The following ADCK2 variants were observed in gnomAD, a reference collection of about 807,000 sequenced individuals.
ADCK2 encodes aarF domain containing kinase 2, also known as uncharacterized aarF domain-containing protein kinase 2.
ADCK2 carries 37 observed loss-of-function variants against 52.3 expected under a neutral mutation model. That is an observed-to-expected ratio of 0.71 (90% CI 0.54 to 0.93). The LOEUF (loss-of-function observed/expected upper bound fraction) is 0.93. ADCK2 is among the 40% of genes least tolerant of loss of function. The pLI, the probability that ADCK2 is intolerant of heterozygous loss-of-function variation, is 0.00. For synonymous variants in ADCK2, 321 were observed against 349.2 expected (o/e 0.92, Z 0.90); for missense variants, 695 against 798.7 (o/e 0.87, Z 1.56).
Position 140,693,747 on chromosome 7 carries a change from T to C in ADCK2, c.1741-916T>C, listed in dbSNP as rs1320719174. Among the ~76,000 whole-genome samples, 1 of 152,210 alleles carries C rather than the reference T, an allele frequency of 6.6e-6. No homozygotes were observed. The highest frequency in any genetic ancestry group is 1.5e-5 in the Non-Finnish European group (1 of 68,038). The stretch of plus-strand genomic sequence containing the variant: ...TTTTTTGAGATGGAGTTTCACTCTG[T>C]TGCCCAGGCTGGAGTGCAGTGGAGC... On this transcript the variant is annotated intron_variant, in intron 7 of 7. Coordinates refer to ENST00000072869, the MANE Select transcript of ADCK2 (RefSeq NM_052853.4). This position sits in a 1 kb window ranked among gnomAD's most constrained non-coding sequence, Gnocchi z 4.0.
At chr7:140,676,606 G>A (rs775700855) in intron 2 of ADCK2, among the ~76,000 whole-genome samples, 13 of 152,174 alleles carry the variant, frequency 8.5e-5, no homozygotes, top group Non-Finnish European at 1.2e-4. Context: ...TTCCTACTAA[G>A]CCTGTGTCCG....
At chr7:140,679,122 T>C (rs933331959) in intron 2 of ADCK2, 33 bp from the exon 3 acceptor site, 1 of 1,612,018 alleles carries the variant, frequency 6.2e-7, no homozygotes, top group African/African-American at 1.3e-5. Flanking sequence ...GTACCCAGAC[T>C]AGCCCTCATC....
chr7:140,694,248 C>T (rs1180440150), intron 7 of ADCK2, among the ~76,000 whole-genome samples: 2 of 152,148 alleles, frequency 1.3e-5, no homozygotes, highest in Non-Finnish European at 2.9e-5. Context: ...CTTGCCATTG[C>T]ACTCCAGCCT....
intron 7 of ADCK2, among the ~76,000 whole-genome samples, chr7:140,692,710 G>A (rs1251397952): frequency 6.6e-6 from 1 of 152,206 alleles, no homozygotes; most frequent in African/African-American, 2.4e-5. Flanking sequence ...CCACTTCTTG[G>A]TTATAGTGAA....
At position 140,687,157 on chromosome 7, in the gene ADCK2, G is replaced by C; in HGVS notation, c.1473G>C (p.Leu491=). The C allele has an allele frequency of 6.2e-7, 1 of 1,610,590 alleles. No individual in the cohort carries two copies. The highest frequency in any genetic ancestry group is 1.3e-5 in the African/African-American group (1 of 75,004). Residue 491 remains leucine, a synonymous_variant, in exon 5 of 8, where the codon CTG becomes CTC. Transcript: ENST00000072869. ...PSSLCPLRLV[L]LDAGIVAELQ... ...CCCTCTGCCCGCTGCGACTGGTGCT[G>C]CTGGATGCTGGCATTGTGGCGGAGC...
At chr7:140,687,295 G>A in intron 5 of ADCK2, 54 bp downstream of exon 5, 1 of 1,497,870 alleles carries the variant, frequency 6.7e-7, no homozygotes, top group Non-Finnish European at 8.9e-7. Context: ...AATTAAAAGA[G>A]CTGGTGAAGC....
chr7:140,673,783 G>T lies in ADCK2; in HGVS notation c.453G>T (p.Trp151Cys). 1.2e-6 allele frequency: 2 copies of T among 1,613,668 alleles called. No homozygotes were observed. Among genetic ancestry groups the T allele is most frequent in the Non-Finnish European group, 1.7e-6 (2 of 1,180,026 alleles). ...SGPTYIKLGQ[W>C]ASTRRDLFSE... ...CAACCTACATCAAACTGGGCCAGTG[G>T]GCCAGCACCCGGCGCGATCTGTTTT... The change falls in exon 1 of 8, where the codon TGG becomes TGT. Residue 151 changes from tryptophan (W) to cysteine (C), a missense_variant. Transcript: ENST00000072869. The surrounding 1 kb of genome is among the most constrained non-coding windows in gnomAD (Gnocchi z 6.4).
chr7:140,683,639 A>C (rs1794554863), intron 4 of ADCK2, among the ~76,000 whole-genome samples: 1 of 152,190 alleles, frequency 6.6e-6, no homozygotes, highest in African/African-American at 2.4e-5. Flanking sequence ...GCCTGGCCGC[A>C]TCAGGAGGGC....
At chr7:140,684,215 A>G (rs1488555933) in intron 4 of ADCK2, among the ~76,000 whole-genome samples, 3 of 152,060 alleles carry the variant, frequency 2.0e-5, no homozygotes, top group Non-Finnish European at 4.4e-5. Context: ...CAGGGCAGAG[A>G]GGAGTGTCTG....
chr7:140,684,391 G>C (rs575553027), intron 4 of ADCK2, among the ~76,000 whole-genome samples: 8 of 152,264 alleles, frequency 5.3e-5, no homozygotes, highest in African/African-American at 1.9e-4. Context: ...GGCAGTAATC[G>C]TGACCCAGCA....
rs949919604 is a variant in ADCK2 at position 140,678,268 on chromosome 7, A to T, written c.1081-887A>T. Among the ~76,000 whole-genome samples the T allele has an allele frequency of 8.5e-5, 13 of 152,160 alleles. No homozygotes were observed. The highest frequency in any genetic ancestry group is 5.2e-4 in the Admixed American group (8 of 15,282). On this transcript the variant is annotated intron_variant, in intron 2 of 7. Transcript: ENST00000072869. This position sits in a 1 kb window ranked among gnomAD's most constrained non-coding sequence, Gnocchi z 4.9. ...GAGAGAAGGCATGATCTGGGGACTCAAAGGTGACTGAGTGCGTGGGGATGG... is the reference window on the plus strand; with the variant it reads ...GAGAGAAGGCATGATCTGGGGACTCTAAGGTGACTGAGTGCGTGGGGATGG...
At chr7:140,688,042 C>T (rs1447917177) in intron 5 of ADCK2, among the ~76,000 whole-genome samples, 1 of 151,040 alleles carries the variant, frequency 6.6e-6, no homozygotes, top group East Asian at 2.0e-4. Context: ...ATGCCTCTGT[C>T]TCTGTCTTTT....
intron 2 of ADCK2, 113 bp from the exon 3 acceptor site, chr7:140,679,042 A>G: frequency 7.2e-7 from 1 of 1,389,586 alleles, no homozygotes; most frequent in East Asian, 2.3e-5. Context: ...CTGCGGGGCA[A>G]GCTGGTGGGG....
At chr7:140,691,783 T>C (rs78132204) in intron 7 of ADCK2, among the ~76,000 whole-genome samples, 15,728 of 152,270 alleles carry the variant, frequency 0.1, 875 homozygotes, top group South Asian at 0.19. Context: ...ATCCCCTCAG[T>C]CTTCCAAGAG....
Position 140,693,585 on chromosome 7 carries a change from GA to G in ADCK2, c.1741-1076del, listed in dbSNP as rs1240109263. On this transcript the variant is annotated intron_variant, in intron 7 of 7. Coordinates refer to ENST00000072869, the MANE Select transcript of ADCK2 (RefSeq NM_052853.4). This position sits in a 1 kb window ranked among gnomAD's most constrained non-coding sequence, Gnocchi z 4.0. ...CTGAGCCACAGCTTCTTTCTCTATAGAATGGGGATAACGATGATACTTTTGA... is the reference window on the plus strand; with the variant it reads ...CTGAGCCACAGCTTCTTTCTCTATAGATGGGGATAACGATGATACTTTTGA... Among the ~76,000 whole-genome samples the G allele has an allele frequency of 7.9e-5, 12 of 152,162 alleles. No individual in the cohort carries two copies. The highest frequency in any genetic ancestry group is 2.9e-4 in the African/African-American group (12 of 41,424).
chr7:140,673,627 C>G lies in ADCK2; in HGVS notation c.297C>G (p.Leu99=). 6.2e-7 allele frequency: 1 copy of G among 1,609,884 alleles called. No individual in the cohort carries two copies. Among genetic ancestry groups the G allele is most frequent in the Non-Finnish European group, 8.5e-7 (1 of 1,179,978 alleles). Residue 99 remains leucine, a synonymous_variant, in exon 1 of 8, where the codon CTC becomes CTG. Coordinates refer to ENST00000072869, the MANE Select transcript of ADCK2 (RefSeq NM_052853.4). The surrounding 1 kb of genome is among the most constrained non-coding windows in gnomAD (Gnocchi z 6.4). ...PLGGVFLHLR[L]WLRAGALLVK... The stretch of plus-strand genomic sequence containing the variant: ...GCGGCGTCTTCCTGCATCTCCGCCT[C>G]TGGCTTCGCGCCGGCGCTCTGTTGG...
In ADCK2 at chr7:140,673,448, T is replaced by G. The variant is rs749696847; in HGVS notation, c.118T>G (p.Cys40Gly). Residue 40 changes from cysteine (C) to glycine (G), a missense_variant, in exon 1 of 8, where the codon TGC (cysteine) becomes GGC (glycine). Cys to Gly is a radical substitution (Grantham distance 159). Transcript: ENST00000072869. This position sits in a 1 kb window ranked among gnomAD's most constrained non-coding sequence, Gnocchi z 6.4. ...CGAGTGCCCTCGCGATGCCAGGCTCTGCTGGCTTCTGCTGGGCACTTTGCC... is the reference window on the plus strand; with the variant it reads ...CGAGTGCCCTCGCGATGCCAGGCTCGGCTGGCTTCTGCTGGGCACTTTGCC... Reference protein sequence around the residue: ...PSECPRDARLCWLLLGTLPKV... With the variant: ...PSECPRDARLGWLLLGTLPKV... 1.5e-5 allele frequency: 24 copies of G among 1,607,634 alleles called. No individual in the cohort carries two copies. Among genetic ancestry groups the G allele is most frequent in the Middle Eastern group, 3.3e-4 (2 of 6,052 alleles).
Position 140,683,162 on chromosome 7 carries a change from G to A in ADCK2, c.1305+2025G>A, listed in dbSNP as rs577807164. Among the ~76,000 whole-genome samples the A allele has an allele frequency of 3.2e-4, 49 of 152,014 alleles. 1 individual carries two copies. The highest frequency in any genetic ancestry group is 2.8e-3 in the Admixed American group (43 of 15,254). On this transcript the variant is annotated intron_variant, in intron 4 of 7. Transcript: ENST00000072869. Reference sequence around the variant, plus strand: ...CTAAAATACAAAAAATTAGCCAGACGTGGTGGTGCATGCCTGTAGTCCCAG... The same window carrying A: ...CTAAAATACAAAAAATTAGCCAGACATGGTGGTGCATGCCTGTAGTCCCAG...
chr7:140,676,449 A>C (rs1794420896), intron 2 of ADCK2, among the ~76,000 whole-genome samples: 1 of 152,250 alleles, frequency 6.6e-6, no homozygotes, highest in Admixed American at 6.5e-5. Flanking sequence ...CATCGATTCC[A>C]ACAACCATCT....
Sources: gnomAD v4.1 joint callset for allele counts (sites outside exome capture counted in the v4.1 genomes callset) on GRCh38, gnomAD v4.1.1 for gene constraint, Gnocchi (gnomAD v3.1) non-coding constraint, MANE v1.5 for transcripts, NCBI Gene and HGNC (gene_info 2026-07-23, HGNC 2026-07-21) for gene names.